SMCO4: variants seen among roughly 807,000 people sequenced by gnomAD.
The protein encoded by SMCO4 is single-pass membrane and coiled-coil domain-containing protein 4.
SMCO4 carries 4 observed loss-of-function variants against 3.6 expected under a neutral mutation model. That is an observed-to-expected ratio of 1.11 (90% CI 0.54 to 2.53). The LOEUF (loss-of-function observed/expected upper bound fraction) is 2.53. Among genes scored for constraint, SMCO4 ranks in the 30% most tolerant of loss-of-function variants. The pLI, the probability that SMCO4 is intolerant of heterozygous loss-of-function variation, is 0.02. For synonymous variants in SMCO4, 36 were observed against 35.3 expected, an observed-to-expected ratio of 1.02 and a Z score of -0.07; for missense variants, 70 against 80.8, an observed-to-expected ratio of 0.87 and a Z score of 0.51.
intron 1 of SMCO4, among the ~76,000 whole-genome samples, chr11:93,527,111 G>T (rs535859496): frequency 1.3e-5 from 2 of 152,122 alleles, no homozygotes; most frequent in African/African-American, 4.8e-5. Flanking sequence ...ACCCTAAATC[G>T]GGCTGACCAC....
At chr11:93,534,256 AC>A (rs1949193603) in intron 1 of SMCO4, among the ~76,000 whole-genome samples, 2 of 146,804 alleles carry the variant, frequency 1.4e-5, no homozygotes, top group Non-Finnish European at 3.0e-5. Context: ...ACACACACAC[AC>A]ACACAAACAC....
chr11:93,516,751 T>C (rs757183907), intron 1 of SMCO4, among the ~76,000 whole-genome samples: 2 of 151,646 alleles, frequency 1.3e-5, no homozygotes, highest in Admixed American at 6.6e-5. Context: ...GATCGTGCCA[T>C]TGCACTCCAG....
chr11:93,484,801 G>A (rs1158988729), intron 2 of SMCO4, among the ~76,000 whole-genome samples: 3 of 151,846 alleles, frequency 2.0e-5, no homozygotes, highest in South Asian at 2.1e-4. Context: ...GGTTTGATGC[G>A]AGAAGCCTGG....
At chr11:93,551,159 A>AT in the SMCO4 span, among the ~76,000 whole-genome samples, 1 of 99,902 alleles carries the variant, frequency 1.0e-5, no homozygotes, top group South Asian at 3.6e-4. Flanking sequence ...ATCAGTGGAG[A>AT]GAAAAAATGT....
At chr11:93,520,733 T>C (rs1191170214) in intron 1 of SMCO4, among the ~76,000 whole-genome samples, 1 of 152,238 alleles carries the variant, frequency 6.6e-6, no homozygotes, top group Non-Finnish European at 1.5e-5. Context: ...GAAAGAAGGC[T>C]CAAAACTCTC....
rs1949198998 is a variant in SMCO4 at position 93,534,383 on chromosome 11, G to T, written c.-154+8893C>A. ...ATATATATATATATATATAGAGAGA[G>T]AGAGAGAGAGAGATACATATATATA... On this transcript the variant is annotated intron_variant, in intron 1 of 2. Coordinates refer to ENST00000298966, the MANE Select transcript of SMCO4 (RefSeq NM_020179.3). Among the ~76,000 whole-genome samples the T allele has an allele frequency of 2.0e-5, 3 of 148,592 alleles. No homozygotes were observed. The South Asian group carries it at 6.3e-4, about 31-fold the overall frequency.
At chr11:93,480,020 G>A (rs1948573567) in intron 2 of SMCO4, among the ~76,000 whole-genome samples, 1 of 152,214 alleles carries the variant, frequency 6.6e-6, no homozygotes, top group Non-Finnish European at 1.5e-5. Flanking sequence ...TCACGGAGGT[G>A]CCTAACAGGT....
At chr11:93,499,498 C>A (rs1948813719) in intron 1 of SMCO4, 150 bp from the exon 2 acceptor site, 1 of 152,228 alleles carries the variant, frequency 6.6e-6, no homozygotes, top group African/African-American at 2.4e-5. Flanking sequence ...CTTGTCACCG[C>A]CCTGCTCCAG....
At chr11:93,500,972 G>A (rs990209809) in intron 1 of SMCO4, among the ~76,000 whole-genome samples, 1 of 152,182 alleles carries the variant, frequency 6.6e-6, no homozygotes, top group East Asian at 1.9e-4. Flanking sequence ...ACAGAACAGC[G>A]ACAGGGACAC....
chr11:93,495,571 T>C (rs576692413), intron 2 of SMCO4, among the ~76,000 whole-genome samples: 56 of 152,332 alleles, frequency 3.7e-4, no homozygotes, highest in Middle Eastern at 6.8e-3. Flanking sequence ...CCTTGTATAA[T>C]AGAATGCCAG....
chr11:93,508,001 T>C (rs555719560), intron 1 of SMCO4, among the ~76,000 whole-genome samples: 2 of 152,348 alleles, frequency 1.3e-5, no homozygotes, highest in East Asian at 1.9e-4. Context: ...CTACTTTATA[T>C]TATCATATAT....
intron 2 of SMCO4, among the ~76,000 whole-genome samples, chr11:93,489,037 T>C (rs780455905): frequency 6.6e-6 from 1 of 151,916 alleles, no homozygotes; most frequent in African/African-American, 2.4e-5. Context: ...AGGGGCAAGA[T>C]TGGAGTAAGT....
upstream of SMCO4, among the ~76,000 whole-genome samples, chr11:93,546,272 C>T (rs928697227): frequency 6.6e-6 from 1 of 152,156 alleles, no homozygotes; most frequent in Admixed American, 6.5e-5. Flanking sequence ...ATGTAAATAC[C>T]CTCTTTGAAA....
chr11:93,545,683 T>C (rs1949311714), upstream of SMCO4, among the ~76,000 whole-genome samples: 1 of 151,624 alleles, frequency 6.6e-6, no homozygotes, highest in Non-Finnish European at 1.5e-5. Flanking sequence ...AATGCAAGTC[T>C]CAGAGGAAAA....
In SMCO4 at chr11:93,518,962, C is replaced by A. The variant is rs188076723; in HGVS notation, c.-153-19614G>T. ...GACCACTCTTCTCTTTGGAAAGATA[C>A]AAGTCTCTAATGTCAAAAAATGACA... On this transcript the variant is annotated intron_variant, in intron 1 of 2. Transcript: ENST00000298966. Among the ~76,000 whole-genome samples the A allele has an allele frequency of 3.3e-5, 5 of 152,324 alleles. No homozygotes were observed. In the East Asian group the frequency reaches 9.6e-4, roughly 29 times the overall value.
intron 1 of SMCO4, among the ~76,000 whole-genome samples, chr11:93,502,368 T>A (rs1295836489): frequency 6.6e-6 from 1 of 152,078 alleles, no homozygotes; most frequent in South Asian, 2.1e-4. Context: ...CCAGGCTTCA[T>A]AACAGAATGG....
chr11:93,508,435 C>T (rs1948927970), intron 1 of SMCO4, among the ~76,000 whole-genome samples: 1 of 152,048 alleles, frequency 6.6e-6, no homozygotes. Flanking sequence ...CGTTGAAGGT[C>T]CATTATTACA....
At chr11:93,549,459 A>T in the SMCO4 span, among the ~76,000 whole-genome samples, 3 of 152,244 alleles carry the variant, frequency 2.0e-5, no homozygotes, top group East Asian at 1.9e-4. Flanking sequence ...GGTAAAAAAA[A>T]TTTTTTTGAG....
At chr11:93,501,998 C>G (rs1179371877) in intron 1 of SMCO4, among the ~76,000 whole-genome samples, 1 of 152,012 alleles carries the variant, frequency 6.6e-6, no homozygotes, top group Non-Finnish European at 1.5e-5. Context: ...ATGGGCACCA[C>G]CAAGAAAGGA....
Sources: gnomAD v4.1 joint callset for allele counts (sites outside exome capture counted in the v4.1 genomes callset) on GRCh38, gnomAD v4.1.1 for gene constraint, MANE v1.5 for transcripts, NCBI Gene and HGNC (gene_info 2026-07-23, HGNC 2026-07-21) for gene names.